CIMIP2C: variants seen among roughly 807,000 people sequenced by gnomAD.
The protein encoded by CIMIP2C is UPF0573 protein C2orf70.
the CIMIP2C span, chr2:26,576,271 C>CA: frequency 1.5e-6 from 2 of 1,369,232 alleles, no homozygotes; most frequent in Non-Finnish European, 2.0e-6. Flanking sequence ...GGAGACCTCG[C>CA]ACCTGCCACA....
the CIMIP2C span, chr2:26,576,097 C>A: frequency 6.2e-7 from 1 of 1,614,206 alleles, no homozygotes. Context: ...GCACCCGGGA[C>A]CGCTGGCTGC....
chr2:26,565,377 C>T, the CIMIP2C span, among the ~76,000 whole-genome samples: 318 of 152,320 alleles, frequency 2.1e-3, 1 homozygote, highest in African/African-American at 7.6e-3. Context: ...AGGCATGAGC[C>T]ACCACGCCTG....
chr2:26,579,114 C>T, the CIMIP2C span: 1 of 635,810 alleles, frequency 1.6e-6, no homozygotes, highest in Non-Finnish European at 2.7e-6. Flanking sequence ...AACCACTGTG[C>T]CATTATGTAA....
the CIMIP2C span, among the ~76,000 whole-genome samples, chr2:26,574,354 G>T: frequency 6.6e-6 from 1 of 152,212 alleles, no homozygotes; most frequent in Non-Finnish European, 1.5e-5. Context: ...CACATGGCTG[G>T]GCTCAGGTGG....
At chr2:26,572,349 GTTT>G in the CIMIP2C span, among the ~76,000 whole-genome samples, 1 of 138,690 alleles carries the variant, frequency 7.2e-6, no homozygotes, top group African/African-American at 2.7e-5. Flanking sequence ...TACTGAGTTG[GTTT>G]TTTTTTTTTT....
At chr2:26,569,530 T>C in the CIMIP2C span, among the ~76,000 whole-genome samples, 19 of 152,284 alleles carry the variant, frequency 1.2e-4, no homozygotes, top group African/African-American at 4.3e-4. Flanking sequence ...ACATGCCGAA[T>C]AGTCGCTGGT....
chr2:26,562,676 C>G, the CIMIP2C span: 2 of 1,575,382 alleles, frequency 1.3e-6, no homozygotes, highest in African/African-American at 2.7e-5. Context: ...GCCCCCTGGA[C>G]TCATGCCCGG....
At chr2:26,577,405 A>AG in the CIMIP2C span, 18 of 978,366 alleles carry the variant, frequency 1.8e-5, no homozygotes, top group Non-Finnish European at 2.8e-5. Flanking sequence ...CGGGGGCATT[A>AG]GGGGAGGTGG....
At chr2:26,566,270 G>C in the CIMIP2C span, among the ~76,000 whole-genome samples, 2 of 152,176 alleles carry the variant, frequency 1.3e-5, no homozygotes, top group African/African-American at 4.8e-5. Context: ...GTCTGCCTGG[G>C]GTGGCAGTTG....
the CIMIP2C span, among the ~76,000 whole-genome samples, chr2:26,572,456 T>C: frequency 6.6e-6 from 1 of 152,040 alleles, no homozygotes; most frequent in Admixed American, 6.6e-5. Flanking sequence ...AGCCCTTTCA[T>C]GCTAGGAAAG....
the CIMIP2C span, among the ~76,000 whole-genome samples, chr2:26,569,390 C>G: frequency 6.6e-6 from 1 of 152,188 alleles, no homozygotes; most frequent in Non-Finnish European, 1.5e-5. Context: ...GGACTGACAC[C>G]TGGCCCCGCT....
the CIMIP2C span, among the ~76,000 whole-genome samples, chr2:26,573,066 G>A: frequency 6.6e-6 from 1 of 152,188 alleles, no homozygotes; most frequent in African/African-American, 2.4e-5. Flanking sequence ...ATGTTGCAGC[G>A]GGACAGTGTG....
At chr2:26,579,168 G>T in the CIMIP2C span, 1 of 1,114,342 alleles carries the variant, frequency 9.0e-7, no homozygotes. Context: ...CTTATCAGGT[G>T]TTAAACTGAC....
At chr2:26,577,664 G>A in the CIMIP2C span, 2 of 1,521,712 alleles carry the variant, frequency 1.3e-6, no homozygotes. Flanking sequence ...ACGCAGTCAA[G>A]AAACGCACCC....
At chr2:26,572,250 T>C in the CIMIP2C span, 2 of 1,194,272 alleles carry the variant, frequency 1.7e-6, no homozygotes, top group South Asian at 1.8e-5. Context: ...TTCCATTCTG[T>C]AACTAGCATT....
the CIMIP2C span, among the ~76,000 whole-genome samples, chr2:26,571,602 T>A: frequency 6.6e-6 from 1 of 152,304 alleles, no homozygotes; most frequent in South Asian, 2.1e-4. Context: ...TTTCATGCCA[T>A]CTGACTCTGT....
chr2:26,566,497 A>G, the CIMIP2C span, among the ~76,000 whole-genome samples: 1 of 152,270 alleles, frequency 6.6e-6, no homozygotes. Flanking sequence ...TGTAACATTC[A>G]TCCGTATCTG....
At chr2:26,576,089 A>G in the CIMIP2C span, 1 of 1,614,154 alleles carries the variant, frequency 6.2e-7, no homozygotes, top group Non-Finnish European at 8.5e-7. Context: ...GCGCGCCAGC[A>G]CCCGGGACCG....
the CIMIP2C span, among the ~76,000 whole-genome samples, chr2:26,564,795 G>A: frequency 1.3e-5 from 2 of 152,138 alleles, no homozygotes; most frequent in African/African-American, 4.8e-5. Flanking sequence ...TCATAGAGGC[G>A]AGAATATTCA....
Sources: allele counts gnomAD v4.1 joint callset (sites outside exome capture counted in the v4.1 genomes callset), GRCh38; gene constraint gnomAD v4.1.1; transcripts MANE v1.5; gene names NCBI Gene and HGNC (gene_info 2026-07-23, HGNC 2026-07-21).